The following RANBP17 variants were observed in gnomAD, a reference collection of about 807,000 sequenced individuals.
RANBP17 encodes RAN binding protein 17.
RANBP17 carries 158 observed loss-of-function variants against 141.2 expected under a neutral mutation model. The observed-to-expected ratio is 1.12, with a 90% CI of 0.98 to 1.28. RANBP17 has a LOEUF of 1.28. Ranked by LOEUF, RANBP17 falls within the 50% of genes most tolerant of loss-of-function variation. The pLI, the probability that RANBP17 is intolerant of heterozygous loss-of-function variation, is 0.00. For missense variants in RANBP17, 1,438 were observed against 1,290.7 expected (o/e 1.11, Z -1.75); for synonymous variants, 430 against 450.0 (o/e 0.96, Z 0.56).
chr5:171,261,753 G>A (rs1407401058), intron 24 of RANBP17, among the ~76,000 whole-genome samples: 1 of 152,030 alleles, frequency 6.6e-6, no homozygotes, highest in Non-Finnish European at 1.5e-5. Context: ...CAAGAACTAG[G>A]ACAAAATATG....
intron 22 of RANBP17, among the ~76,000 whole-genome samples, chr5:171,237,820 T>C (rs1764633381): frequency 6.6e-6 from 1 of 152,072 alleles, no homozygotes; most frequent in Non-Finnish European, 1.5e-5. Context: ...TTTCTAGGTG[T>C]GGAGTGGAGC....
At chr5:171,165,078 A>G (rs1346650057) in intron 14 of RANBP17, among the ~76,000 whole-genome samples, 1 of 152,210 alleles carries the variant, frequency 6.6e-6, no homozygotes, top group African/African-American at 2.4e-5. Context: ...GGTCAATGAA[A>G]GGTTGTACAG....
chr5:171,064,664 A>G (rs899126837), intron 14 of RANBP17, among the ~76,000 whole-genome samples: 1 of 152,116 alleles, frequency 6.6e-6, no homozygotes, highest in African/African-American at 2.4e-5. Flanking sequence ...GCCCAGGCAC[A>G]TGCCACCATG....
At chr5:171,240,712 A>G (rs1188226662) in intron 22 of RANBP17, among the ~76,000 whole-genome samples, 4 of 152,178 alleles carry the variant, frequency 2.6e-5, no homozygotes, top group East Asian at 1.9e-4. Context: ...AGCTTTTCCA[A>G]TATAAGGATA....
intron 14 of RANBP17, among the ~76,000 whole-genome samples, chr5:171,007,764 G>A (rs548994737): frequency 6.6e-6 from 1 of 152,148 alleles, no homozygotes; most frequent in Non-Finnish European, 1.5e-5. Context: ...GGGCCAAGCA[G>A]TGATGCAGAA....
chr5:171,142,100 A>G (rs1757742261), intron 14 of RANBP17, among the ~76,000 whole-genome samples: 2 of 152,192 alleles, frequency 1.3e-5, no homozygotes, highest in Non-Finnish European at 2.9e-5. Flanking sequence ...CATATGCTGT[A>G]TTGGAAATAG....
chr5:171,063,536 A>T (rs1453538624), intron 14 of RANBP17, among the ~76,000 whole-genome samples: 1 of 152,140 alleles, frequency 6.6e-6, no homozygotes, highest in East Asian at 1.9e-4. Context: ...GTCTCAGAGG[A>T]GTACCCAGCC....
At chr5:170,919,077 A>G (rs1026152227) in intron 10 of RANBP17, among the ~76,000 whole-genome samples, 3 of 152,136 alleles carry the variant, frequency 2.0e-5, no homozygotes, top group Admixed American at 1.3e-4. Flanking sequence ...TTGAGAAACT[A>G]TAATAAAATC....
At chr5:171,228,838 A>G (rs1330186072) in intron 22 of RANBP17, among the ~76,000 whole-genome samples, 1 of 152,206 alleles carries the variant, frequency 6.6e-6, no homozygotes, top group African/African-American at 2.4e-5. Flanking sequence ...AACATTTTTA[A>G]TTATGATATA....
intron 14 of RANBP17, among the ~76,000 whole-genome samples, chr5:171,059,236 C>G (rs1397802192): frequency 2.0e-5 from 3 of 152,006 alleles, no homozygotes; most frequent in Non-Finnish European, 4.4e-5. Flanking sequence ...GAAGTCCTTG[C>G]CCATGCCTAT....
At position 171,209,296 on chromosome 5, in the gene RANBP17, AGTTT is replaced by A. The variant is rs1320539899; in HGVS notation, c.2231+3690_2231+3693del. Reference sequence around the variant, plus strand: ...CCACTCATTTCATGGTTGGAAATGTAGTTTGTTTGGGACTCTTGAATATCAGTCT... The same window carrying A: ...CCACTCATTTCATGGTTGGAAATGTAGTTTGGGACTCTTGAATATCAGTCT... On this transcript the variant is annotated intron_variant, in intron 20 of 27. Transcript: ENST00000523189. Among the ~76,000 whole-genome samples, 16 of 152,180 alleles carry A rather than the reference AGTTT, an allele frequency of 1.1e-4. 1 individual carries two copies. Among genetic ancestry groups the A allele is most frequent in the Admixed American group, 1.0e-3 (16 of 15,280 alleles).
chr5:170,864,587 T>C (rs1377567944), intron 1 of RANBP17, among the ~76,000 whole-genome samples: 1 of 152,064 alleles, frequency 6.6e-6, no homozygotes, highest in African/African-American at 2.4e-5. Context: ...GCAATCCAGA[T>C]AAGGGGGCAG....
At chr5:171,213,358 A>G (rs1763021528) in intron 20 of RANBP17, among the ~76,000 whole-genome samples, 1 of 152,180 alleles carries the variant, frequency 6.6e-6, no homozygotes, top group Non-Finnish European at 1.5e-5. Context: ...TGTGTATTTT[A>G]TTTATACAGT....
In RANBP17 at chr5:170,900,724, C is replaced by T. The variant is rs144825181; in HGVS notation, c.489+4609C>T. 1.9e-3 allele frequency among the ~76,000 whole-genome samples: 290 copies of T among 152,270 alleles called. 1 individual carries two copies. The highest frequency in any genetic ancestry group is 6.7e-3 in the African/African-American group (278 of 41,554). The stretch of plus-strand genomic sequence containing the variant: ...TTCTGATACATTGGGTCTTTGTTCT[C>T]AATGGATTTAGATAACTTATTTATT... On this transcript the variant is annotated intron_variant, in intron 5 of 27. Transcript: ENST00000523189.
chr5:171,134,599 C>T (rs1265694201), intron 14 of RANBP17, among the ~76,000 whole-genome samples: 2 of 152,188 alleles, frequency 1.3e-5, no homozygotes, highest in East Asian at 1.9e-4. Context: ...ATTGCTCTTG[C>T]ACACTGAGGT....
chr5:171,240,864 T>G (rs1764832669), intron 22 of RANBP17, 64 bp from the exon 23 acceptor site: 4 of 1,028,320 alleles, frequency 3.9e-6, no homozygotes, highest in Non-Finnish European at 5.9e-6. Context: ...TGTTAAATAG[T>G]GTGTCCCATA....
chr5:171,259,769 T>C (rs1174055384), intron 24 of RANBP17, among the ~76,000 whole-genome samples: 1 of 151,882 alleles, frequency 6.6e-6, no homozygotes, highest in Non-Finnish European at 1.5e-5. Flanking sequence ...TCACTTGAGG[T>C]CAGGAGTTTG....
At position 171,083,960 on chromosome 5, in the gene RANBP17, CTT is replaced by C. The variant is rs56784069; in HGVS notation, c.1711-86159_1711-86158del. 6.8e-5 allele frequency among the ~76,000 whole-genome samples: 10 copies of C among 146,972 alleles called. No homozygotes were observed. The East Asian group carries it at 1.8e-3, about 26-fold the overall frequency. ...GTAAATTGCCCAGTTGTGGTTATGT[CTT>C]TTTTTTTTTTAATTATACTTTAAGT... is the stretch of plus-strand genomic sequence containing the variant. On this transcript the variant is annotated intron_variant, in intron 14 of 27. Coordinates refer to ENST00000523189, the MANE Select transcript of RANBP17 (RefSeq NM_022897.5).
intron 12 of RANBP17, among the ~76,000 whole-genome samples, chr5:170,932,667 CAT>C (rs1271861503): frequency 6.6e-6 from 1 of 152,040 alleles, no homozygotes; most frequent in South Asian, 2.1e-4. Context: ...TTGAGATAAT[CAT>C]GTGGTTTTTG....
Sources: allele counts gnomAD v4.1 joint callset (sites outside exome capture counted in the v4.1 genomes callset), GRCh38; gene constraint gnomAD v4.1.1; transcripts MANE v1.5; gene names NCBI Gene and HGNC (gene_info 2026-07-23, HGNC 2026-07-21).